Variants in PLCL1 observed in about 807,000 individuals in gnomAD.
PLCL1 encodes phospholipase C like 1 (inactive), also known as inactive phospholipase C-like protein 1.
PLCL1 carries 41 observed loss-of-function variants against 84.4 expected under a neutral mutation model. That is an observed-to-expected ratio of 0.49 (90% CI 0.38 to 0.63). PLCL1 has a LOEUF of 0.63. Ranked by LOEUF, PLCL1 falls within the 30% of genes least tolerant of loss-of-function variation. PLCL1 has a pLI of 0.00. For synonymous variants in PLCL1, 490 were observed against 488.3 expected (o/e 1.00, Z -0.05); for missense variants, 1,206 against 1,367.8 (o/e 0.88, Z 1.87).
At chr2:198,021,201 G>A (rs1281276687) in intron 1 of PLCL1, among the ~76,000 whole-genome samples, 4 of 152,172 alleles carry the variant, frequency 2.6e-5, no homozygotes, top group African/African-American at 7.2e-5. Context: ...TGAAACCAAT[G>A]AGAACAAAGA....
chr2:198,038,844 C>CAAAAAAAAAA (rs11299150), intron 1 of PLCL1, among the ~76,000 whole-genome samples: 4 of 120,404 alleles, frequency 3.3e-5, no homozygotes, highest in Non-Finnish European at 5.2e-5. Context: ...CATTAAAGGT[C>CAAAAAAAAAA]AAAAAAAAAA....
At position 197,843,773 on chromosome 2, in the gene PLCL1, T is replaced by C. The variant is rs1177204248; in HGVS notation, c.240+38434T>C. On this transcript the variant is annotated intron_variant, in intron 1 of 5. Coordinates refer to ENST00000428675, the MANE Select transcript of PLCL1 (RefSeq NM_006226.4). ...CTGAAAGGGGAAGGAACAATTTTAGTAGGTCTGGTGAAGAATATAGAAACT... is the reference window on the plus strand; with the variant it reads ...CTGAAAGGGGAAGGAACAATTTTAGCAGGTCTGGTGAAGAATATAGAAACT... 2.0e-5 allele frequency among the ~76,000 whole-genome samples: 3 copies of C among 152,174 alleles called. No individual in the cohort carries two copies. In the East Asian group the frequency reaches 5.8e-4, roughly 29 times the overall value.
intron 1 of PLCL1, among the ~76,000 whole-genome samples, chr2:197,976,987 T>C (rs1689995212): frequency 6.6e-6 from 1 of 152,224 alleles, no homozygotes; most frequent in South Asian, 2.1e-4. Context: ...TCTACTCATG[T>C]GGACCGTTTG....
intron 1 of PLCL1, among the ~76,000 whole-genome samples, chr2:198,021,587 A>G (rs1691135418): frequency 6.6e-6 from 1 of 152,252 alleles, no homozygotes; most frequent in African/African-American, 2.4e-5. Context: ...ACAGAAATAC[A>G]AACTACCATC....
rs995819479 is a variant in PLCL1 at position 197,929,122 on chromosome 2, C to T, written c.240+123783C>T. ...AATTATGTTAATGAATAAACAGTTT[C>T]CAGGCCAGTCATTTTCTAGCCTCAT... is the stretch of plus-strand genomic sequence containing the variant. On this transcript the variant is annotated intron_variant, in intron 1 of 5. Transcript: ENST00000428675. 2.6e-5 allele frequency among the ~76,000 whole-genome samples: 4 copies of T among 152,094 alleles called. 1 individual carries two copies. Among genetic ancestry groups the T allele is most frequent in the African/African-American group, 9.7e-5 (4 of 41,418 alleles).
In PLCL1 at chr2:198,024,011, T is replaced by C. The variant is rs1034726594; in HGVS notation, c.241-59747T>C. 5.9e-5 allele frequency among the ~76,000 whole-genome samples: 9 copies of C among 152,182 alleles called. 1 individual carries two copies. The highest frequency in any genetic ancestry group is 3.9e-4 in the Admixed American group (6 of 15,276). On this transcript the variant is annotated intron_variant, in intron 1 of 5. Transcript: ENST00000428675. ...TGGAACTAACCCAAATGCCCATCAATGTTAGATTGGATAAAGAAAATGTGG... is the reference window on the plus strand; with the variant it reads ...TGGAACTAACCCAAATGCCCATCAACGTTAGATTGGATAAAGAAAATGTGG...
At chr2:197,872,271 A>G (rs866868676) in intron 1 of PLCL1, among the ~76,000 whole-genome samples, 4 of 152,092 alleles carry the variant, frequency 2.6e-5, no homozygotes, top group Admixed American at 2.0e-4. Context: ...AGTTCTCTCA[A>G]TGAAATATAG....
intron 1 of PLCL1, among the ~76,000 whole-genome samples, chr2:198,079,854 A>T (rs1384831276): frequency 6.6e-6 from 1 of 152,242 alleles, no homozygotes; most frequent in Non-Finnish European, 1.5e-5. Flanking sequence ...TAATTATTGG[A>T]CTCAACTACA....
intron 1 of PLCL1, among the ~76,000 whole-genome samples, chr2:197,954,093 G>A (rs1329031417): frequency 6.6e-6 from 1 of 152,074 alleles, no homozygotes; most frequent in African/African-American, 2.4e-5. Flanking sequence ...CCTATCATTT[G>A]GATACATGGA....
intron 1 of PLCL1, among the ~76,000 whole-genome samples, chr2:197,848,657 A>G (rs1180566923): frequency 6.6e-6 from 1 of 152,200 alleles, no homozygotes; most frequent in Non-Finnish European, 1.5e-5. Flanking sequence ...ATCCTGGAGA[A>G]GGGCTGATTG....
intron 1 of PLCL1, among the ~76,000 whole-genome samples, chr2:197,963,163 T>C (rs1291945802): frequency 1.3e-5 from 2 of 152,126 alleles, no homozygotes; most frequent in Non-Finnish European, 2.9e-5. Context: ...CCGTTCTCCA[T>C]AGTGGTTGTA....
At chr2:198,059,671 A>T (rs1427195349) in intron 1 of PLCL1, among the ~76,000 whole-genome samples, 1 of 152,132 alleles carries the variant, frequency 6.6e-6, no homozygotes, top group Non-Finnish European at 1.5e-5. Context: ...TGCCTCCTCT[A>T]CCCAGGACAC....
chr2:198,077,688 C>G (rs1294554824), intron 1 of PLCL1, among the ~76,000 whole-genome samples: 1 of 152,174 alleles, frequency 6.6e-6, no homozygotes, highest in African/African-American at 2.4e-5. Context: ...CCAGACTTCT[C>G]CCTGGAGGTT....
At chr2:197,975,947 C>CT (rs981763707) in intron 1 of PLCL1, among the ~76,000 whole-genome samples, 3 of 152,178 alleles carry the variant, frequency 2.0e-5, no homozygotes, top group Non-Finnish European at 4.4e-5. Flanking sequence ...AAATTCATAC[C>CT]TTTCTTCTCC....
intron 3 of PLCL1, among the ~76,000 whole-genome samples, chr2:198,093,023 G>T (rs1693086895): frequency 6.6e-6 from 1 of 152,162 alleles, no homozygotes; most frequent in Non-Finnish European, 1.5e-5. Flanking sequence ...TTACCTCTCT[G>T]ACACCACCCT....
chr2:197,912,675 T>A (rs1320120071), intron 1 of PLCL1, among the ~76,000 whole-genome samples: 56 of 148,892 alleles, frequency 3.8e-4, no homozygotes, highest in African/African-American at 1.3e-3. Flanking sequence ...ATCATCATTC[T>A]CAGTAAACTA....
chr2:197,964,880 A>T (rs1305796390), intron 1 of PLCL1, among the ~76,000 whole-genome samples: 1 of 152,132 alleles, frequency 6.6e-6, no homozygotes, highest in Non-Finnish European at 1.5e-5. Context: ...GATATATCAC[A>T]TTGATTAATT....
intron 1 of PLCL1, among the ~76,000 whole-genome samples, chr2:197,947,398 G>A (rs1417257502): frequency 1.3e-5 from 2 of 152,022 alleles, no homozygotes; most frequent in Non-Finnish European, 2.9e-5. Flanking sequence ...CTGGTGTGGG[G>A]CGTGGGAAAC....
At chr2:198,105,601 G>GGTGTGTGTGTGT (rs72103336) in intron 5 of PLCL1, among the ~76,000 whole-genome samples, 1,934 of 143,802 alleles carry the variant, frequency 0.013, 26 homozygotes, top group Middle Eastern at 0.053. Flanking sequence ...TAATTTGCCT[G>GGTGTGTGTGTGT]GTGTGTGTGT....
Sources: allele counts gnomAD v4.1 joint callset (sites outside exome capture counted in the v4.1 genomes callset), GRCh38; gene constraint gnomAD v4.1.1; transcripts MANE v1.5; gene names NCBI Gene and HGNC (gene_info 2026-07-23, HGNC 2026-07-21).